PDE6C: variants seen among roughly 807,000 people sequenced by gnomAD.
PDE6C encodes cone cGMP-specific 3',5'-cyclic phosphodiesterase subunit alpha'.
PDE6C carries 75 observed loss-of-function variants against 113.1 expected under a neutral mutation model. The ratio of observed to expected loss-of-function variants is 0.66; its 90% CI spans 0.55 to 0.80. The LOEUF (loss-of-function observed/expected upper bound fraction) is 0.80, where lower values mean the gene tolerates loss of function less well. Among genes scored for constraint, PDE6C ranks in the 30% least tolerant of loss-of-function variants. The pLI, the probability that PDE6C is intolerant of heterozygous loss-of-function variation, is 0.00. For missense variants in PDE6C, 912 were observed against 1,038.6 expected (o/e 0.88, Z 1.67); for synonymous variants, 375 against 363.7 (o/e 1.03, Z -0.35).
intron 2 of PDE6C, 49 bp from the exon 3 acceptor site, chr10:93,620,842 C>A: frequency 1.9e-6 from 3 of 1,612,284 alleles, no homozygotes; most frequent in Non-Finnish European, 2.5e-6. Flanking sequence ...GTTGTATAAC[C>A]AAAGAAAAGA....
At position 93,636,574 on chromosome 10, in the gene PDE6C, T is replaced by C. The variant is rs557754905; in HGVS notation, c.1414-421T>C. On this transcript the variant is annotated intron_variant, in intron 10 of 21. Transcript: ENST00000371447. ...TACAAAAATAAATGTAAGCCACTCA[T>C]TTTTTCTTTCCTACATGCAAACAAC... Among the ~76,000 whole-genome samples the C allele has an allele frequency of 3.3e-5, 5 of 152,174 alleles. No individual in the cohort carries two copies. The East Asian group carries it at 5.8e-4, about 18-fold the overall frequency.
At chr10:93,659,929 A>G (rs948553086) in intron 18 of PDE6C, among the ~76,000 whole-genome samples, 4 of 152,308 alleles carry the variant, frequency 2.6e-5, no homozygotes, top group African/African-American at 9.6e-5. Context: ...TGACTGTGAG[A>G]TGATGTCTAA....
At position 93,646,123 on chromosome 10, in the gene PDE6C, A is replaced by C. The variant is rs1049916395; in HGVS notation, c.1935+76A>C. The C allele has an allele frequency of 1.5e-5, 13 of 885,996 alleles. No homozygotes were observed. The Admixed American group carries it at 2.3e-4, about 16-fold the overall frequency. The allele number at this position is 885,996 out of a possible 1,614,324, so 54.9% of individuals were successfully genotyped here. A position where few individuals can be genotyped will look rare whatever the true frequency, so the allele number is the denominator to read the frequency against. ...ACTAACCCACAGAAAATGCTTGGAA[A>C]AAGGGTGGCCTTGAGTTACAGCAGT... is the stretch of plus-strand genomic sequence containing the variant. On this transcript the variant is annotated intron_variant, in intron 15 of 21. Coordinates refer to ENST00000371447, the MANE Select transcript of PDE6C (RefSeq NM_006204.4).
intron 8 of PDE6C, among the ~76,000 whole-genome samples, chr10:93,634,040 TG>T (rs914549035): frequency 6.6e-6 from 1 of 152,066 alleles, no homozygotes; most frequent in Non-Finnish European, 1.5e-5. Context: ...TTTTTTTTTT[TG>T]AGATGGAATT....
At chr10:93,661,618 TA>T (rs1403459885) in intron 18 of PDE6C, among the ~76,000 whole-genome samples, 2 of 152,182 alleles carry the variant, frequency 1.3e-5, no homozygotes, top group East Asian at 3.8e-4. Flanking sequence ...TTTAGTGATA[TA>T]AATTAATGCT....
chr10:93,630,862 T>A (rs979875440), intron 8 of PDE6C, among the ~76,000 whole-genome samples: 2 of 152,236 alleles, frequency 1.3e-5, no homozygotes, highest in African/African-American at 4.8e-5. Flanking sequence ...ATGGCTGCTC[T>A]AGCTCCTTCC....
intron 21 of PDE6C, 53 bp downstream of exon 21, chr10:93,663,231 G>T: frequency 6.4e-7 from 1 of 1,559,368 alleles, no homozygotes; most frequent in East Asian, 2.3e-5. Flanking sequence ...GCTAGGCTGA[G>T]CTTAATGGCA....
chr10:93,653,114 C>A (rs187350934), intron 15 of PDE6C, among the ~76,000 whole-genome samples: 2 of 152,042 alleles, frequency 1.3e-5, no homozygotes, highest in African/African-American at 2.4e-5. Flanking sequence ...CATCAGTGAA[C>A]AAATAAAGGC....
At chr10:93,623,407 G>T (rs2058457988) in intron 4 of PDE6C, among the ~76,000 whole-genome samples, 2 of 152,074 alleles carry the variant, frequency 1.3e-5, no homozygotes, top group Admixed American at 1.3e-4. Flanking sequence ...CCAGTCTGTG[G>T]CTTATCTTTT....
chr10:93,625,775 G>A (rs2058470599), intron 5 of PDE6C, 126 bp downstream of exon 5: 3 of 705,958 alleles, frequency 4.2e-6, no homozygotes, highest in Non-Finnish European at 7.7e-6. Context: ...TAGACAAGGA[G>A]TTTGAGGTTC....
chr10:93,612,940 A>AG lies in PDE6C; in HGVS notation c.221dup (p.Thr75HisfsTer20). The AG allele has an allele frequency of 6.2e-7, 1 of 1,613,912 alleles. No individual in the cohort carries two copies. The highest frequency in any genetic ancestry group is 2.2e-5 in the East Asian group (1 of 44,872). ...GAGCTGCTGTGGACCGTGCAGGAGG[A>AG]GGGGGGCACCCCAGAGCAGGGGGTT... On this transcript the variant is annotated frameshift_variant, in exon 1 of 22. Transcript: ENST00000371447. LOFTEE classifies it high-confidence loss of function.
intron 8 of PDE6C, among the ~76,000 whole-genome samples, chr10:93,631,582 C>A (rs546046674): frequency 2.6e-5 from 4 of 151,902 alleles, no homozygotes; most frequent in African/African-American, 7.3e-5. Flanking sequence ...TCTCTCAGCA[C>A]CCCCAGCCTC....
intron 8 of PDE6C, among the ~76,000 whole-genome samples, chr10:93,632,673 T>C (rs1362516210): frequency 1.3e-5 from 2 of 152,238 alleles, no homozygotes; most frequent in African/African-American, 2.4e-5. Flanking sequence ...CTATTACTGA[T>C]TTTGTCCTTG....
In PDE6C at chr10:93,626,798, C is replaced by A; in HGVS notation, c.1005-7C>A. ...TTGCAATGATTTTTTTTCTTCTCTTCCCCAAGGACGCCTCCTGCAGACCAC... is the reference window on the plus strand; with the variant it reads ...TTGCAATGATTTTTTTTCTTCTCTTACCCAAGGACGCCTCCTGCAGACCAC... On this transcript the variant is annotated splice_polypyrimidine_tract_variant and splice_region_variant and intron_variant, in intron 6 of 21. Transcript: ENST00000371447. 5 of 1,613,726 alleles carry A rather than the reference C, an allele frequency of 3.1e-6. 1 individual carries two copies. In the Middle Eastern group the frequency reaches 4.9e-4, roughly 160 times the overall value.
At chr10:93,663,949 C>T (rs778824463) in intron 21 of PDE6C, among the ~76,000 whole-genome samples, 11 of 152,010 alleles carry the variant, frequency 7.2e-5, no homozygotes, top group Non-Finnish European at 1.5e-4. Context: ...GTGGAAAGGC[C>T]CTGACATGTT....
At chr10:93,619,960 T>C (rs1302319862) in intron 1 of PDE6C, among the ~76,000 whole-genome samples, 1 of 152,060 alleles carries the variant, frequency 6.6e-6, no homozygotes. Flanking sequence ...ATCTAAGAGG[T>C]GAGTTCACAT....
At chr10:93,648,643 G>A (rs1454136166) in intron 15 of PDE6C, among the ~76,000 whole-genome samples, 1 of 152,096 alleles carries the variant, frequency 6.6e-6, no homozygotes, top group East Asian at 1.9e-4. Flanking sequence ...TAGCAGAGAT[G>A]GATTCACTGC....
At chr10:93,636,094 A>T (rs2058527823) in intron 10 of PDE6C, among the ~76,000 whole-genome samples, 1 of 152,148 alleles carries the variant, frequency 6.6e-6, no homozygotes, top group South Asian at 2.1e-4. Context: ...TGTGTCTCTC[A>T]TCCTTCTTGG....
chr10:93,664,347 G>C (rs1313060905), intron 21 of PDE6C, among the ~76,000 whole-genome samples: 1 of 152,214 alleles, frequency 6.6e-6, no homozygotes, highest in Non-Finnish European at 1.5e-5. Flanking sequence ...ACAAAGGCTT[G>C]GAGTAGGAAT....
Sources: allele counts gnomAD v4.1 joint callset (sites outside exome capture counted in the v4.1 genomes callset), GRCh38; gene constraint gnomAD v4.1.1; transcripts MANE v1.5; gene names NCBI Gene and HGNC (gene_info 2026-07-23, HGNC 2026-07-21).